DAW1: variants seen among roughly 807,000 people sequenced by gnomAD.
DAW1 encodes dynein assembly factor with WD repeat domains 1.
A neutral mutation model predicts 56.5 loss-of-function variants in DAW1; 47 were observed. The observed-to-expected ratio is 0.83, with a 90% confidence interval of 0.66 to 1.06. The LOEUF is 1.06. Ranked by LOEUF, DAW1 falls within the 50% of genes least tolerant of loss-of-function variation. The pLI, the probability that DAW1 is intolerant of heterozygous loss-of-function variation, is 0.00. For missense variants in DAW1, 505 were observed against 499.3 expected (o/e 1.01, Z -0.11); for synonymous variants, 190 against 179.0 (o/e 1.06, Z -0.49).
intron 10 of DAW1, among the ~76,000 whole-genome samples, chr2:227,911,756 C>T (rs781483136): frequency 6.6e-6 from 1 of 152,162 alleles, no homozygotes; most frequent in Non-Finnish European, 1.5e-5. Context: ...TTGATAACCA[C>T]ATGTACTTTC....
Position 227,915,765 on chromosome 2 carries a change from T to A in DAW1, c.974-3015T>A, listed in dbSNP as rs1691936436. 2.0e-5 allele frequency among the ~76,000 whole-genome samples: 3 copies of A among 152,164 alleles called. No individual in the cohort carries two copies. The East Asian group carries it at 5.8e-4, about 29-fold the overall frequency. On this transcript the variant is annotated intron_variant, in intron 10 of 12. Coordinates refer to ENST00000309931, the MANE Select transcript of DAW1 (RefSeq NM_178821.3). ...AATATAATTGTCTCTGTCAGCCATATGTGATGCTATCTTATGTGTCATATC... is the reference window on the plus strand; with the variant it reads ...AATATAATTGTCTCTGTCAGCCATAAGTGATGCTATCTTATGTGTCATATC...
intron 10 of DAW1, among the ~76,000 whole-genome samples, chr2:227,908,897 G>C (rs1425672872): frequency 6.6e-6 from 1 of 152,144 alleles, no homozygotes; most frequent in Non-Finnish European, 1.5e-5. Context: ...AGATACAGAT[G>C]ATGCTAAACT....
At position 227,924,121 on chromosome 2, in the gene DAW1, A is replaced by T; in HGVS notation, c.*153A>T. On this transcript the variant is annotated 3_prime_UTR_variant, in exon 13 of 13. Transcript: ENST00000309931. ...TGTCCTTCATTTCACAGATATGACC[A>T]TTAAACATGACAAAGTTATGCCACT... is the stretch of plus-strand genomic sequence containing the variant. The T allele has an allele frequency of 1.2e-6, 1 of 862,304 alleles. No homozygotes were observed. Among genetic ancestry groups the T allele is most frequent in the Non-Finnish European group, 1.8e-6 (1 of 546,526 alleles). 53.4% of individuals were successfully genotyped at this position (862,304 alleles called of 1,614,324 possible).
At chr2:227,882,399 T>C (rs930152148) in intron 1 of DAW1, among the ~76,000 whole-genome samples, 9 of 152,220 alleles carry the variant, frequency 5.9e-5, no homozygotes, top group African/African-American at 2.2e-4. Context: ...TAGTGGTCAC[T>C]GTATTTATTC....
intron 6 of DAW1, among the ~76,000 whole-genome samples, chr2:227,900,953 A>G (rs2106202024): frequency 6.6e-6 from 1 of 152,296 alleles, no homozygotes; most frequent in South Asian, 2.1e-4. Flanking sequence ...GCAGGAGGTT[A>G]TATACTATGC....
chr2:227,907,501 T>G (rs528653893), intron 10 of DAW1, among the ~76,000 whole-genome samples: 2 of 152,340 alleles, frequency 1.3e-5, no homozygotes, highest in African/African-American at 4.8e-5. Flanking sequence ...TGTCATCTTC[T>G]TAATATCTGT....
chr2:227,909,533 T>A (rs2946930), intron 10 of DAW1, among the ~76,000 whole-genome samples: 73,555 of 151,560 alleles, frequency 0.49, 18,330 homozygotes, highest in Middle Eastern at 0.63. Context: ...TGAGAAGTCT[T>A]GCCATATGCC....
intron 10 of DAW1, among the ~76,000 whole-genome samples, chr2:227,914,123 C>T (rs564036327): frequency 2.0e-4 from 31 of 152,132 alleles, no homozygotes; most frequent in Non-Finnish European, 3.8e-4. Context: ...GTGTCTACCT[C>T]ATTTGTTTGA....
chr2:227,895,135 ATGTT>A (rs555218713), intron 5 of DAW1, among the ~76,000 whole-genome samples: 15 of 152,336 alleles, frequency 9.8e-5, no homozygotes, highest in African/African-American at 3.6e-4. Flanking sequence ...TTCTGCACGT[ATGTT>A]TAAGTTCTTT....
At chr2:227,908,524 A>T (rs779500552) in intron 10 of DAW1, among the ~76,000 whole-genome samples, 15 of 152,166 alleles carry the variant, frequency 9.9e-5, no homozygotes, top group Non-Finnish European at 1.3e-4. Flanking sequence ...ACCATATATG[A>T]TGTTATATTA....
At chr2:227,912,619 T>C (rs1165106150) in intron 10 of DAW1, 1 of 1,141,144 alleles carries the variant, frequency 8.8e-7, no homozygotes, top group Non-Finnish European at 1.1e-6. Flanking sequence ...GCTTCATTTG[T>C]ATTCTTCATT....
intron 2 of DAW1, among the ~76,000 whole-genome samples, chr2:227,886,246 AT>A (rs568170065): frequency 1.4e-3 from 214 of 152,246 alleles, no homozygotes; most frequent in Non-Finnish European, 2.0e-3. Context: ...CCTAATCTCT[AT>A]TACTGAAGCT....
chr2:227,888,661 C>T (rs944179520), intron 2 of DAW1, among the ~76,000 whole-genome samples: 5 of 152,220 alleles, frequency 3.3e-5, no homozygotes, highest in African/African-American at 1.2e-4. Context: ...AACCCTGACT[C>T]TGGGCTTGAT....
intron 1 of DAW1, among the ~76,000 whole-genome samples, chr2:227,884,640 G>A (rs1163686425): frequency 6.6e-6 from 1 of 152,178 alleles, no homozygotes; most frequent in Non-Finnish European, 1.5e-5. Flanking sequence ...TAGGCCTGCT[G>A]TCACTGAGTG....
At chr2:227,903,175 T>C (rs1236052511) in intron 7 of DAW1, 66 bp downstream of exon 7, 4 of 1,541,236 alleles carry the variant, frequency 2.6e-6, no homozygotes, top group Non-Finnish European at 3.6e-6. Context: ...TGTTACAAAA[T>C]GAGCTCTAAG....
At chr2:227,892,321 A>T (rs543190297) in intron 4 of DAW1, among the ~76,000 whole-genome samples, 5 of 151,984 alleles carry the variant, frequency 3.3e-5, no homozygotes, top group East Asian at 1.9e-4. Context: ...TTTAGCAGAG[A>T]CGGGGTTTCT....
At chr2:227,906,412 C>A in intron 9 of DAW1, 74 bp downstream of exon 9, 2 of 932,718 alleles carry the variant, frequency 2.1e-6, no homozygotes, top group Non-Finnish European at 3.1e-6. Context: ...TCCATTGTAA[C>A]ATTAACAGAT....
Position 227,880,702 on chromosome 2 carries a change from G to A in DAW1, c.41-4649G>A, listed in dbSNP as rs141029021. Among the ~76,000 whole-genome samples the A allele has an allele frequency of 5.3e-5, 8 of 152,316 alleles. No homozygotes were observed. The East Asian group carries it at 1.3e-3, about 26-fold the overall frequency. Reference sequence around the variant, plus strand: ...CCTGTTTAGGTTTCAGCACATCCGCGCAGCAAGACAGGGTTGAGAAAAATT... The same window carrying A: ...CCTGTTTAGGTTTCAGCACATCCGCACAGCAAGACAGGGTTGAGAAAAATT... On this transcript the variant is annotated intron_variant, in intron 1 of 12. Coordinates refer to ENST00000309931, the MANE Select transcript of DAW1 (RefSeq NM_178821.3).
chr2:227,919,212 A>C (rs1042823264), intron 11 of DAW1, among the ~76,000 whole-genome samples: 11 of 61,214 alleles, frequency 1.8e-4, no homozygotes, highest in African/African-American at 3.2e-4. Flanking sequence ...AAAAAAAGAA[A>C]AAAAAAAAAA....
Sources: allele counts gnomAD v4.1 joint callset (sites outside exome capture counted in the v4.1 genomes callset), GRCh38; gene constraint gnomAD v4.1.1; transcripts MANE v1.5; gene names NCBI Gene and HGNC (gene_info 2026-07-23, HGNC 2026-07-21).